CCDC91: variants seen among roughly 807,000 people sequenced by gnomAD.
The protein encoded by CCDC91 is coiled-coil domain-containing protein 91.
Under a neutral mutation model 63.2 loss-of-function variants are expected in CCDC91, and 48 were observed. The observed-to-expected ratio is 0.76, with a 90% CI of 0.60 to 0.97. CCDC91 has a LOEUF of 0.97. CCDC91 is among the 50% of genes least tolerant of loss of function. CCDC91 has a pLI of 0.00. For synonymous variants in CCDC91, 167 were observed against 165.8 expected (o/e 1.01, Z -0.06); for missense variants, 500 against 494.6 (o/e 1.01, Z -0.10).
chr12:28,521,113 T>C (rs562482784), intron 12 of CCDC91, among the ~76,000 whole-genome samples: 1 of 152,304 alleles, frequency 6.6e-6, no homozygotes, highest in Non-Finnish European at 1.5e-5. Context: ...GTGAAGAAAG[T>C]CATTGGTAGC....
At chr12:28,459,468 C>T (rs945286255) in intron 11 of CCDC91, among the ~76,000 whole-genome samples, 3 of 152,078 alleles carry the variant, frequency 2.0e-5, no homozygotes, top group African/African-American at 7.2e-5. Flanking sequence ...CAATTTGGCT[C>T]TTAGAGTTTT....
At position 28,264,585 on chromosome 12, in the gene CCDC91, C is replaced by CTGTATG. The variant is rs1555169638; in HGVS notation, c.109+5146_109+5147insATGTGT. Among the ~76,000 whole-genome samples, 649 of 137,294 alleles carry CTGTATG rather than the reference C, an allele frequency of 4.7e-3. 6 individuals carry two copies. Among genetic ancestry groups the CTGTATG allele is most frequent in the Non-Finnish European group, 6.0e-3 (388 of 64,510 alleles). The allele number at this position is 137,294 out of a possible 152,430, so 90.1% of individuals were successfully genotyped here. ...TAGGCACATATATATATATGTCTGT[C>CTGTATG]TGTGTGTGTGTGTGTGTGTGTGTGT... On this transcript the variant is annotated intron_variant, in intron 3 of 12. Transcript: ENST00000536442.
intron 6 of CCDC91, among the ~76,000 whole-genome samples, chr12:28,316,335 C>A (rs138523985): frequency 9.9e-5 from 15 of 151,676 alleles, no homozygotes; most frequent in African/African-American, 3.6e-4. Flanking sequence ...TTTGCTCCCC[C>A]TTTTATTCTT....
chr12:28,268,944 G>A (rs1947549835), intron 3 of CCDC91, among the ~76,000 whole-genome samples: 1 of 152,064 alleles, frequency 6.6e-6, no homozygotes, highest in African/African-American at 2.4e-5. Context: ...GGGCCTAGCT[G>A]TAGCTGGAAA....
intron 12 of CCDC91, among the ~76,000 whole-genome samples, chr12:28,539,780 C>A (rs1476207325): frequency 6.6e-6 from 1 of 152,124 alleles, no homozygotes; most frequent in Non-Finnish European, 1.5e-5. Context: ...GGGCGTTTTC[C>A]TGCTTGGTTC....
intron 1 of CCDC91, among the ~76,000 whole-genome samples, chr12:28,227,392 A>G (rs1360746104): frequency 6.6e-6 from 1 of 152,070 alleles, no homozygotes; most frequent in East Asian, 1.9e-4. Flanking sequence ...TTGTTGATGT[A>G]TGTTGGTGAT....
In CCDC91 at chr12:28,368,861, A is replaced by C. The variant is rs566350323; in HGVS notation, c.654+6346A>C. 1.2e-3 allele frequency among the ~76,000 whole-genome samples: 186 copies of C among 151,828 alleles called. No homozygotes were observed. The South Asian group carries it at 0.036, about 29-fold the overall frequency. ...GAGAGAGAGAGAGAGAGAGATCAGA[A>C]GTGCACACTTTTAAACCGTCAGATC... On this transcript the variant is annotated intron_variant, in intron 7 of 12. Transcript: ENST00000536442.
At chr12:28,254,732 A>G (rs746272554) in intron 1 of CCDC91, among the ~76,000 whole-genome samples, 1 of 149,870 alleles carries the variant, frequency 6.7e-6, no homozygotes, top group Non-Finnish European at 1.5e-5. Flanking sequence ...TTTTAAACGT[A>G]TTAATATTTC....
chr12:28,201,164 T>C (rs7300351), intron 1 of CCDC91, among the ~76,000 whole-genome samples: 1 of 148,514 alleles, frequency 6.7e-6, no homozygotes, highest in Non-Finnish European at 1.5e-5. Flanking sequence ...AGGTGGCTGC[T>C]GGGCGGAGAC....
intron 1 of CCDC91, among the ~76,000 whole-genome samples, chr12:28,202,868 G>C (rs758650760): frequency 1.6e-4 from 25 of 152,202 alleles, no homozygotes; most frequent in Non-Finnish European, 8.8e-5. Flanking sequence ...TGCCCCAACT[G>C]TTACTGCCAC....
chr12:28,351,003 C>G (rs1040849395), intron 6 of CCDC91, among the ~76,000 whole-genome samples: 11 of 152,104 alleles, frequency 7.2e-5, no homozygotes, highest in African/African-American at 2.7e-4. Context: ...TTTAGGGGCA[C>G]AATGCAATCT....
At chr12:28,394,935 A>G (rs1375969968) in intron 8 of CCDC91, among the ~76,000 whole-genome samples, 1 of 152,128 alleles carries the variant, frequency 6.6e-6, no homozygotes, top group Non-Finnish European at 1.5e-5. Context: ...GTATTATATG[A>G]CATCAGATGT....
Position 28,428,019 on chromosome 12 carries a change from G to A in CCDC91, c.763-22142G>A, listed in dbSNP as rs568568085. On this transcript the variant is annotated intron_variant, in intron 8 of 12. Transcript: ENST00000536442. ...GCTGGAGGGACTTTGAAAATTATTG[G>A]TACTAAGTATAAACTAATCAGAACC... 1.2e-4 allele frequency among the ~76,000 whole-genome samples: 19 copies of A among 152,130 alleles called. No homozygotes were observed. The South Asian group carries it at 3.5e-3, about 28-fold the overall frequency.
chr12:28,530,347 A>G (rs1261258640), intron 12 of CCDC91, among the ~76,000 whole-genome samples: 1 of 152,210 alleles, frequency 6.6e-6, no homozygotes, highest in Admixed American at 6.6e-5. Flanking sequence ...GAGGCCTCCA[A>G]CCTTCATCCA....
intron 8 of CCDC91, among the ~76,000 whole-genome samples, chr12:28,431,064 TGA>T (rs1948600194): frequency 6.6e-6 from 1 of 152,182 alleles, no homozygotes. Context: ...TCTTCATTGT[TGA>T]GTCTTAATTA....
intron 8 of CCDC91, among the ~76,000 whole-genome samples, chr12:28,418,181 A>G (rs1181616361): frequency 2.6e-5 from 4 of 152,108 alleles, no homozygotes; most frequent in African/African-American, 9.7e-5. Context: ...CTCACAAGCA[A>G]TGTATGTGTG....
chr12:28,204,233 G>T (rs1467978609), intron 1 of CCDC91, among the ~76,000 whole-genome samples: 1 of 152,112 alleles, frequency 6.6e-6, no homozygotes, highest in Non-Finnish European at 1.5e-5. Flanking sequence ...TAGCTGTATT[G>T]CATCTTCGGG....
At chr12:28,398,228 G>C (rs1185822873) in intron 8 of CCDC91, among the ~76,000 whole-genome samples, 1 of 151,934 alleles carries the variant, frequency 6.6e-6, no homozygotes, top group African/African-American at 2.4e-5. Context: ...TCTATAGTCT[G>C]TCTATTGATT....
chr12:28,518,024 T>C (rs1213876121), intron 12 of CCDC91, among the ~76,000 whole-genome samples: 1 of 152,016 alleles, frequency 6.6e-6, no homozygotes, highest in Non-Finnish European at 1.5e-5. Context: ...GGTTTCTTTA[T>C]CTACTCATTG....
Sources: allele counts gnomAD v4.1 joint callset (sites outside exome capture counted in the v4.1 genomes callset), GRCh38; gene constraint gnomAD v4.1.1; transcripts MANE v1.5; gene names NCBI Gene and HGNC (gene_info 2026-07-23, HGNC 2026-07-21).